The following ADSL variants were observed in gnomAD, a reference collection of about 807,000 sequenced individuals.
ADSL encodes the protein adenylosuccinase.
In ADSL, 44 loss-of-function variants were observed where a neutral mutation model predicts 62.1. The observed-to-expected ratio is 0.71, with a 90% CI of 0.56 to 0.91. The LOEUF (loss-of-function observed/expected upper bound fraction) is 0.91. Among genes scored for constraint, ADSL ranks in the 40% least tolerant of loss-of-function variants. ADSL has a pLI of 0.00. For synonymous variants in ADSL, 198 were observed against 220.5 expected, an observed-to-expected ratio of 0.90 and a Z score of 0.90; for missense variants, 531 against 627.4, an observed-to-expected ratio of 0.85 and a Z score of 1.64.
chr22:40,375,795 T>A lies in ADSL; in HGVS notation c.89+9297T>A, dbSNP rs187583676. Among the ~76,000 whole-genome samples, 11 of 152,088 alleles carry A rather than the reference T, an allele frequency of 7.2e-5. No individual in the cohort carries two copies. The East Asian group carries it at 2.1e-3, about 29-fold the overall frequency. On this transcript the variant is annotated intron_variant, in intron 2 of 2. Transcript: ENST00000498234. ...GCTTATGTCTGTAATCCCAGCACTT[T>A]GGGAGGCTGAGGTGGAAGGATCACT...
rs908388299 is a variant in ADSL at position 40,353,246 on chromosome 22, C to T, written c.402+129C>T. 12 of 757,460 alleles carry T rather than the reference C, an allele frequency of 1.6e-5. No individual in the cohort carries two copies. The South Asian group carries it at 1.7e-4, about 11-fold the overall frequency. 46.9% of individuals were successfully genotyped at this position (757,460 alleles called of 1,614,324 possible). ...ATCATTTTTTCAGGTGAATGACAAC[C>T]CTATGTTTAATCTGTAGAACTAATT... On this transcript the variant is annotated intron_variant, in intron 3 of 12. Transcript: ENST00000623063.
Position 40,361,310 on chromosome 22 carries a change from A to C in ADSL, c.830A>C (p.Glu277Ala). The change falls in exon 8 of 13, where the codon GAG (glutamate) becomes GCG (alanine). Residue 277 changes from glutamate to alanine, a missense_variant. Physicochemically the swap from Glu to Ala is moderately radical, Grantham distance 107 (BLOSUM62 -1). Coordinates refer to ENST00000623063, the MANE Select transcript of ADSL (RefSeq NM_000026.4). ...ATACGCCTCCTGGCAAACCTCAAGG[A>C]GATGGAGGAACCCTTTGAAAAACAG... ...TDIRLLANLK[E>A]MEEPFEKQQI... is the part of the protein sequence containing the mutation. 1 of 1,614,158 alleles carries C rather than the reference A, an allele frequency of 6.2e-7. No individual in the cohort carries two copies. The highest frequency in any genetic ancestry group is 8.5e-7 in the Non-Finnish European group (1 of 1,180,024).
At chr22:40,358,746 C>T (rs949019703) in intron 4 of ADSL, 118 bp from the exon 5 acceptor site, 2 of 901,866 alleles carry the variant, frequency 2.2e-6, no homozygotes, top group Non-Finnish European at 1.8e-6. Flanking sequence ...GTTACTCCCT[C>T]TCTTACTTAA....
chr22:40,372,372 G>A (rs539067474), downstream of ADSL, among the ~76,000 whole-genome samples: 8 of 150,928 alleles, frequency 5.3e-5, no homozygotes, highest in African/African-American at 1.7e-4. Flanking sequence ...TGATCTGCCC[G>A]CCTCGGCCTC....
intron 5 of ADSL, 60 bp from the exon 6 acceptor site, chr22:40,359,200 T>C: frequency 6.2e-7 from 1 of 1,600,156 alleles, no homozygotes; most frequent in South Asian, 1.1e-5. Flanking sequence ...GGATGACAGG[T>C]TGAGGCATTC....
intron 2 of ADSL, among the ~76,000 whole-genome samples, chr22:40,380,007 G>A (rs1030045749): frequency 2.0e-5 from 3 of 152,044 alleles, no homozygotes; most frequent in Non-Finnish European, 4.4e-5. Flanking sequence ...CATCGTGCTC[G>A]GCCTGGTTTC....
In ADSL at chr22:40,360,384, T is replaced by A. The variant is rs1438028009; in HGVS notation, c.702-18T>A. 3.1e-6 allele frequency: 5 copies of A among 1,600,996 alleles called. No homozygotes were observed. The highest frequency in any genetic ancestry group is 4.3e-6 in the Non-Finnish European group (5 of 1,169,248). On this transcript the variant is annotated intron_variant, in intron 6 of 12. Transcript: ENST00000623063. ...TTTAAAATATTTTAACCTAAGTCTC[T>A]CTTGTACTTATTCCTAGAGCTTTCA...
chr22:40,357,248 T>C (rs1027071485), intron 4 of ADSL, among the ~76,000 whole-genome samples: 16 of 123,858 alleles, frequency 1.3e-4, no homozygotes, highest in African/African-American at 5.2e-4. Flanking sequence ...TGATTTGGGC[T>C]TTTTTTTTTT....
Position 40,368,713 on chromosome 22 carries a change from G to C in ADSL, c.*2191G>C, listed in dbSNP as rs2045073871. Reference sequence around the variant, plus strand: ...AGGCCGAGGCAGGTGGATCACCTGAGGTCAGGAGTTCGAGACCAGCTTGAC... The same window carrying C: ...AGGCCGAGGCAGGTGGATCACCTGACGTCAGGAGTTCGAGACCAGCTTGAC... On this transcript the variant is annotated 3_prime_UTR_variant, in exon 13 of 13. Transcript: ENST00000623063. 6.6e-6 allele frequency: 1 copy of C among 152,198 alleles called. No individual in the cohort carries two copies. Among genetic ancestry groups the C allele is most frequent in the Non-Finnish European group, 1.5e-5 (1 of 68,104 alleles). 9.4% of individuals were successfully genotyped at this position (152,198 alleles called of 1,614,324 possible).
intron 2 of ADSL, among the ~76,000 whole-genome samples, chr22:40,375,434 G>C (rs1286909050): frequency 6.6e-6 from 1 of 151,956 alleles, no homozygotes; most frequent in Non-Finnish European, 1.5e-5. Context: ...ACAAAAATTA[G>C]CTGGGTGTGG....
chr22:40,360,724 A>AT (rs1330192211), intron 7 of ADSL, among the ~76,000 whole-genome samples: 5 of 56,422 alleles, frequency 8.9e-5, no homozygotes, highest in Admixed American at 2.9e-4. Flanking sequence ...TATTAAATTA[A>AT]TCTTTTTTTT....
At chr22:40,371,558 A>G (rs1251238005), downstream of ADSL, among the ~76,000 whole-genome samples, 2 of 152,330 alleles carry the variant, frequency 1.3e-5, no homozygotes, top group East Asian at 1.9e-4. Context: ...GTTTGTGATT[A>G]GGTTTATAGG....
At chr22:40,355,447 C>T (rs1306728830) in intron 4 of ADSL, among the ~76,000 whole-genome samples, 2 of 152,152 alleles carry the variant, frequency 1.3e-5, no homozygotes, top group East Asian at 1.9e-4. Context: ...CGTGAGCCAC[C>T]GCGCCCGGCC....
At chr22:40,358,732 A>G (rs2044658851) in intron 4 of ADSL, 132 bp from the exon 5 acceptor site, 1 of 765,784 alleles carries the variant, frequency 1.3e-6, no homozygotes, top group Non-Finnish European at 2.2e-6. Context: ...TTTTATCTTT[A>G]CCAGTTACTC....
At chr22:40,372,980 A>G (rs2045883819), downstream of ADSL, 1 of 152,238 alleles carries the variant, frequency 6.6e-6, no homozygotes, top group Non-Finnish European at 1.5e-5. Flanking sequence ...TAGCACAATG[A>G]GTGTTACAGA....
intron 4 of ADSL, 22 bp from the exon 5 acceptor site, chr22:40,358,842 T>C: frequency 1.2e-6 from 2 of 1,613,920 alleles, no homozygotes; most frequent in Non-Finnish European, 1.7e-6. Flanking sequence ...GAGACTTTCG[T>C]GTGTTCTCTT....
At chr22:40,362,910 G>C (rs2044848799) in intron 9 of ADSL, 71 bp from the exon 10 acceptor site, 2 of 1,395,904 alleles carry the variant, frequency 1.4e-6, no homozygotes, top group Admixed American at 3.3e-5. Flanking sequence ...AGGGCAACTT[G>C]TTGGGACACA....
chr22:40,348,765 G>A, intron 1 of ADSL: 2 of 394,674 alleles, frequency 5.1e-6, no homozygotes, highest in Non-Finnish European at 8.9e-6. Context: ...GGATAAAAAA[G>A]ATCTAAGATG....
At chr22:40,348,359 C>CT (rs2044219864) in intron 1 of ADSL, 1 of 397,616 alleles carries the variant, frequency 2.5e-6, no homozygotes, top group African/African-American at 2.1e-5. Context: ...GCTAGTGTGA[C>CT]TGAGAAACTG....
Sources: gnomAD v4.1 joint callset for allele counts (sites outside exome capture counted in the v4.1 genomes callset) on GRCh38, gnomAD v4.1.1 for gene constraint, MANE v1.5 for transcripts, NCBI Gene and HGNC (gene_info 2026-07-23, HGNC 2026-07-21) for gene names.